Variants in RANBP17 observed in about 807,000 individuals in gnomAD.
The protein encoded by RANBP17 is ran-binding protein 17.
In RANBP17, 158 loss-of-function variants were observed where a neutral mutation model predicts 141.2. The observed-to-expected ratio is 1.12, with a 90% confidence interval of 0.98 to 1.28. RANBP17 has a LOEUF of 1.28. Among genes scored for constraint, RANBP17 ranks in the 50% most tolerant of loss-of-function variants. The pLI is 0.00. For synonymous variants in RANBP17, 430 were observed against 450.0 expected (o/e 0.96, Z 0.56); for missense variants, 1,438 against 1,290.7 (o/e 1.11, Z -1.75).
intron 18 of RANBP17, among the ~76,000 whole-genome samples, chr5:171,192,239 G>T (rs1761699792): frequency 3.9e-5 from 6 of 152,138 alleles, no homozygotes; most frequent in Non-Finnish European, 8.8e-5. Flanking sequence ...GGATGGGGGA[G>T]TGGGCAGTAA....
intron 14 of RANBP17, among the ~76,000 whole-genome samples, chr5:171,159,644 G>A (rs572998481): frequency 3.1e-4 from 47 of 152,128 alleles, no homozygotes; most frequent in African/African-American, 1.1e-3. Flanking sequence ...AATTTGGGCC[G>A]GGCACAGTGG....
rs552298610 is a variant in RANBP17, at chr5:171,299,740, G to A, written c.*882G>A. 8.8e-6 allele frequency: 2 copies of A among 226,564 alleles called. No individual in the cohort carries two copies. Among genetic ancestry groups the A allele is most frequent in the African/African-American group, 4.4e-5 (2 of 45,088 alleles). The allele number at this position is 226,564 out of a possible 1,614,324, so 14.0% of individuals were successfully genotyped here. A position where few individuals can be genotyped will look rare whatever the true frequency, so the allele number is the denominator to read the frequency against. On this transcript the variant is annotated 3_prime_UTR_variant, in exon 28 of 28. Transcript: ENST00000523189. ...ATTTTCAGAGGATGAGAAATAGCTG[G>A]TTTCCAACTCTCCACAAAAACTCTT...
intron 25 of RANBP17, among the ~76,000 whole-genome samples, chr5:171,282,489 G>C (rs375742964): frequency 1.4e-5 from 1 of 73,316 alleles, no homozygotes; most frequent in East Asian, 4.2e-4. Context: ...TGTTGTTGTT[G>C]TTGTTGTTGT....
intron 25 of RANBP17, among the ~76,000 whole-genome samples, chr5:171,267,654 A>G (rs1766816216): frequency 1.3e-5 from 2 of 152,100 alleles, no homozygotes. Flanking sequence ...TAAAAATACA[A>G]AAATTAGCTG....
chr5:171,009,048 G>A (rs1779853557), intron 14 of RANBP17, among the ~76,000 whole-genome samples: 1 of 152,072 alleles, frequency 6.6e-6, no homozygotes, highest in Non-Finnish European at 1.5e-5. Flanking sequence ...CCATGGCTTG[G>A]GCATGTTATC....
intron 14 of RANBP17, among the ~76,000 whole-genome samples, chr5:171,051,566 C>G (rs1472421898): frequency 6.6e-6 from 1 of 152,172 alleles, no homozygotes; most frequent in Non-Finnish European, 1.5e-5. Flanking sequence ...ATTCACTTAA[C>G]TTCTTTTTAT....
At position 170,954,475 on chromosome 5, in the gene RANBP17, T is replaced by C. The variant is rs143331800; in HGVS notation, c.1574+773T>C. Reference sequence around the variant, plus strand: ...ATTATAAGGAATTTATTTTTTTAAATGCTTAGAACAGTGCCTGGCAATTAG... The same window carrying C: ...ATTATAAGGAATTTATTTTTTTAAACGCTTAGAACAGTGCCTGGCAATTAG... On this transcript the variant is annotated intron_variant, in intron 13 of 27. Coordinates refer to ENST00000523189, the MANE Select transcript of RANBP17 (RefSeq NM_022897.5). Among the ~76,000 whole-genome samples the C allele has an allele frequency of 2.9e-3, 437 of 151,658 alleles. 1 individual carries two copies. Among genetic ancestry groups the C allele is most frequent in the African/African-American group, 9.7e-3 (401 of 41,328 alleles).
chr5:171,258,919 C>A (rs1006101792), intron 24 of RANBP17, among the ~76,000 whole-genome samples: 1 of 152,034 alleles, frequency 6.6e-6, no homozygotes, highest in Admixed American at 6.5e-5. Context: ...AAAGAAATAA[C>A]CAACAGAGTA....
intron 24 of RANBP17, chr5:171,252,348 A>T: frequency 6.5e-7 from 1 of 1,539,444 alleles, no homozygotes; most frequent in Non-Finnish European, 9.0e-7. Context: ...TTCAGGGAAC[A>T]TTAACTAATG....
At chr5:171,175,958 A>G (rs1399574573) in intron 16 of RANBP17, among the ~76,000 whole-genome samples, 5 of 152,186 alleles carry the variant, frequency 3.3e-5, no homozygotes, top group African/African-American at 9.6e-5. Flanking sequence ...AAGAATTTCA[A>G]GACCTCAACA....
At chr5:171,168,890 G>A (rs1042497458) in intron 14 of RANBP17, among the ~76,000 whole-genome samples, 1 of 150,834 alleles carries the variant, frequency 6.6e-6, no homozygotes, top group African/African-American at 2.4e-5. Context: ...GCTCTCCACC[G>A]TTCAGCCCTT....
intron 14 of RANBP17, among the ~76,000 whole-genome samples, chr5:171,164,088 T>G (rs1759520210): frequency 6.6e-6 from 1 of 152,186 alleles, no homozygotes; most frequent in Non-Finnish European, 1.5e-5. Context: ...AGAGATTCGT[T>G]GTTCTTTTTA....
chr5:171,160,168 C>T (rs575209537), intron 14 of RANBP17, among the ~76,000 whole-genome samples: 1 of 152,180 alleles, frequency 6.6e-6, no homozygotes, highest in East Asian at 1.9e-4. Context: ...ACACCAAATA[C>T]CACAGATCAT....
At chr5:171,270,218 A>C (rs1401206137) in intron 25 of RANBP17, among the ~76,000 whole-genome samples, 6 of 152,174 alleles carry the variant, frequency 3.9e-5, no homozygotes, top group African/African-American at 1.4e-4. Context: ...AGAGCTTCAA[A>C]ATTTTTAAAA....
intron 24 of RANBP17, among the ~76,000 whole-genome samples, chr5:171,245,535 A>G (rs1037241029): frequency 6.6e-6 from 1 of 152,036 alleles, no homozygotes; most frequent in African/African-American, 2.4e-5. Flanking sequence ...GCTGGTCTCG[A>G]ACTCCCGACC....
chr5:171,271,395 G>T (rs1388719918), intron 25 of RANBP17: 1 of 210,908 alleles, frequency 4.7e-6, no homozygotes, highest in Non-Finnish European at 9.6e-6. Context: ...TCATACTTAA[G>T]ATTCCATTCC....
At chr5:170,973,544 A>G (rs1425788804) in intron 14 of RANBP17, among the ~76,000 whole-genome samples, 2 of 152,234 alleles carry the variant, frequency 1.3e-5, no homozygotes, top group Non-Finnish European at 2.9e-5. Flanking sequence ...TAATACATGT[A>G]ACTTATAGAG....
intron 12 of RANBP17, among the ~76,000 whole-genome samples, chr5:170,933,508 G>A (rs137982228): frequency 0.6 from 90,657 of 151,370 alleles, 28,844 homozygotes; most frequent in South Asian, 0.88. Context: ...GTGATGTTAG[G>A]GTGTCAATTT....
At chr5:171,099,198 T>A (rs1786934642) in intron 14 of RANBP17, among the ~76,000 whole-genome samples, 1 of 152,170 alleles carries the variant, frequency 6.6e-6, no homozygotes, top group African/African-American at 2.4e-5. Flanking sequence ...TATAAATTAC[T>A]TTGGGCAGTA....
Sources: allele counts gnomAD v4.1 joint callset (sites outside exome capture counted in the v4.1 genomes callset), GRCh38; gene constraint gnomAD v4.1.1; transcripts MANE v1.5; gene names NCBI Gene and HGNC (gene_info 2026-07-23, HGNC 2026-07-21).